CDK7: variants seen among roughly 807,000 people sequenced by gnomAD.
CDK7 encodes the protein cyclin-dependent kinase 7.
Under a neutral mutation model 49.1 loss-of-function variants are expected in CDK7, and 25 were observed. The observed-to-expected ratio is 0.51, with a 90% CI of 0.37 to 0.71. CDK7 has a LOEUF of 0.71. Ranked by LOEUF, CDK7 falls within the 30% of genes least tolerant of loss-of-function variation. CDK7 has a pLI of 0.00. For synonymous variants in CDK7, 107 were observed against 140.0 expected (o/e 0.76, Z 1.67); for missense variants, 316 against 411.7 (o/e 0.77, Z 2.01).
At chr5:69,250,852 G>A (rs768429185) in intron 2 of CDK7, 6 of 456,518 alleles carry the variant, frequency 1.3e-5, no homozygotes, top group Non-Finnish European at 2.2e-5. Context: ...GGTTACCACT[G>A]CTGATTATTC....
At chr5:69,270,626 A>G (rs1237413701) in intron 9 of CDK7, among the ~76,000 whole-genome samples, 2 of 152,118 alleles carry the variant, frequency 1.3e-5, no homozygotes, top group African/African-American at 2.4e-5. Context: ...CTTTCCTTCT[A>G]CCTACTCCTT....
chr5:69,270,482 C>T (rs868195605), intron 9 of CDK7, among the ~76,000 whole-genome samples: 3 of 152,140 alleles, frequency 2.0e-5, no homozygotes, highest in Non-Finnish European at 4.4e-5. Context: ...ACATATTTCA[C>T]GGACCCTTTA....
Position 69,259,875 on chromosome 5 carries a change from T to G in CDK7, c.466T>G (p.Phe156Val). Residue 156 changes from phenylalanine to valine, a missense_variant, in exon 7 of 12, where the codon TTT (phenylalanine) becomes GTT (valine). Physicochemically the swap from Phe to Val is conservative, Grantham distance 50. Coordinates refer to ENST00000256443, the MANE Select transcript of CDK7 (RefSeq NM_001799.4). ...DENGVLKLAD[F>V]GLAKSFGSPN... ...AAATGGAGTTCTAAAACTGGCAGAT[T>G]TTGGCCTGGCCAAATCTTTTGGGAG... 6.2e-7 allele frequency: 1 copy of G among 1,614,160 alleles called. No individual in the cohort carries two copies. Among genetic ancestry groups the G allele is most frequent in the Non-Finnish European group, 8.5e-7 (1 of 1,180,008 alleles).
intron 9 of CDK7, among the ~76,000 whole-genome samples, chr5:69,269,947 T>C (rs1751417960): frequency 6.6e-6 from 1 of 150,724 alleles, no homozygotes; most frequent in Admixed American, 6.6e-5. Context: ...AAATTAAACT[T>C]CTTGGTGGGT....
Position 69,265,423 on chromosome 5 carries a change from C to T in CDK7, c.627+3119C>T, listed in dbSNP as rs76270455. Among the ~76,000 whole-genome samples, 174 of 150,278 alleles carry T rather than the reference C, an allele frequency of 1.2e-3. No individual in the cohort carries two copies. In the East Asian group the frequency reaches 0.014, roughly 12 times the overall value. On this transcript the variant is annotated intron_variant, in intron 8 of 11. Coordinates refer to ENST00000256443, the MANE Select transcript of CDK7 (RefSeq NM_001799.4). ...GGGTAAGAAAAATATTTTATTTGCA[C>T]AGAGAAGAAAAGCAGCATACATAGA...
intron 2 of CDK7, among the ~76,000 whole-genome samples, chr5:69,247,457 G>T (rs1749827725): frequency 6.7e-6 from 1 of 149,376 alleles, no homozygotes; most frequent in Non-Finnish European, 1.5e-5. Flanking sequence ...TTCAGTCTGT[G>T]TGTGTCTGTA....
intron 2 of CDK7, 52 bp from the exon 3 acceptor site, chr5:69,252,366 A>G: frequency 1.8e-6 from 2 of 1,116,454 alleles, no homozygotes; most frequent in Non-Finnish European, 2.7e-6. Flanking sequence ...CATTGATTCT[A>G]AATAATTTAA....
intron 8 of CDK7, among the ~76,000 whole-genome samples, chr5:69,268,000 C>T (rs560380995): frequency 1.3e-5 from 2 of 152,198 alleles, no homozygotes; most frequent in South Asian, 2.1e-4. Flanking sequence ...CTTGTTCTGT[C>T]GCCCAAGCTG....
chr5:69,250,669 C>A, intron 2 of CDK7: 1 of 455,870 alleles, frequency 2.2e-6, no homozygotes, highest in South Asian at 1.6e-5. Flanking sequence ...TGGTGCTCTT[C>A]CCCAGGGCAA....
At chr5:69,269,713 T>C (rs1309855938) in intron 9 of CDK7, among the ~76,000 whole-genome samples, 3 of 151,888 alleles carry the variant, frequency 2.0e-5, no homozygotes, top group Non-Finnish European at 4.4e-5. Flanking sequence ...GGTGTACATA[T>C]ATGTATATAT....
intron 10 of CDK7, among the ~76,000 whole-genome samples, chr5:69,274,563 T>C (rs1751914703): frequency 6.6e-6 from 1 of 152,196 alleles, no homozygotes; most frequent in Admixed American, 6.5e-5. Flanking sequence ...TGAGGAATGC[T>C]TGCAAAGTTT....
At chr5:69,243,672 G>A (rs907016400) in intron 2 of CDK7, among the ~76,000 whole-genome samples, 1 of 151,990 alleles carries the variant, frequency 6.6e-6, no homozygotes, top group African/African-American at 2.4e-5. Flanking sequence ...CATGACGAAT[G>A]TCATTGGTAT....
At chr5:69,246,075 A>C (rs1450010096) in intron 2 of CDK7, among the ~76,000 whole-genome samples, 1 of 152,120 alleles carries the variant, frequency 6.6e-6, no homozygotes, top group Non-Finnish European at 1.5e-5. Context: ...AAGGGAAGCA[A>C]GGCACCTCTT....
intron 3 of CDK7, among the ~76,000 whole-genome samples, chr5:69,253,266 TTTTG>T (rs1303501895): frequency 7.9e-5 from 12 of 152,262 alleles, no homozygotes; most frequent in Middle Eastern, 3.4e-3. Flanking sequence ...CTTATTTTTA[TTTTG>T]TTTATTTTTT....
At chr5:69,240,652 G>A (rs144843112) in intron 2 of CDK7, among the ~76,000 whole-genome samples, 6 of 152,076 alleles carry the variant, frequency 3.9e-5, no homozygotes, top group Middle Eastern at 3.4e-3. Context: ...TTTTTGAGAC[G>A]GAGTCTCCCT....
At position 69,254,676 on chromosome 5, in the gene CDK7, A is replaced by G; in HGVS notation, c.228+7A>G. 6.9e-7 allele frequency: 1 copy of G among 1,446,114 alleles called. No homozygotes were observed. The highest frequency in any genetic ancestry group is 9.7e-7 in the Non-Finnish European group (1 of 1,027,382). 89.6% of individuals were successfully genotyped at this position (1,446,114 alleles called of 1,614,324 possible). A position where few individuals can be genotyped will look rare whatever the true frequency, so the allele number is the denominator to read the frequency against. ...TCATCCAAATATAATTGGTGTGAGT[A>G]TGATCAAAACTGTTACTGGGATTTG... On this transcript the variant is annotated splice_region_variant and intron_variant, in intron 4 of 11. Transcript: ENST00000256443.
At chr5:69,270,075 AAAAAAAAAATT>A (rs1202923831) in intron 9 of CDK7, among the ~76,000 whole-genome samples, 1 of 126,818 alleles carries the variant, frequency 7.9e-6, no homozygotes, top group Non-Finnish European at 1.8e-5. Context: ...CCAAAAAAAA[AAAAAAAAAATT>A]AAACTTCTTA....
At chr5:69,271,218 A>G (rs1751504433) in intron 9 of CDK7, among the ~76,000 whole-genome samples, 2 of 152,116 alleles carry the variant, frequency 1.3e-5, no homozygotes, top group Admixed American at 6.6e-5. Flanking sequence ...CTAATGGTTA[A>G]TGGTGTTGAA....
Position 69,273,040 on chromosome 5 carries a change from A to G in CDK7, c.863A>G (p.Gln288Arg). 2 of 1,531,556 alleles carry G rather than the reference A, an allele frequency of 1.3e-6. No homozygotes were observed. The highest frequency in any genetic ancestry group is 1.8e-6 in the Non-Finnish European group (2 of 1,130,718). The allele number at this position is 1,531,556 out of a possible 1,614,324, so 94.9% of individuals were successfully genotyped here. A position where few individuals can be genotyped will look rare whatever the true frequency, so the allele number is the denominator to read the frequency against. ...CCATGTGCTCGAATTACGGCCACAC[A>G]GGTATTTTGGTGTATCTTTTTTATA... ...FNPCARITAT[Q>R]ALKMKYFSNR... Residue 288 changes from glutamine to arginine, a missense_variant and splice_region_variant, in exon 10 of 12, where the codon CAG becomes CGG. Transcript: ENST00000256443.
Sources: gnomAD v4.1 joint callset for allele counts (sites outside exome capture counted in the v4.1 genomes callset) on GRCh38, gnomAD v4.1.1 for gene constraint, MANE v1.5 for transcripts, NCBI Gene and HGNC (gene_info 2026-07-23, HGNC 2026-07-21) for gene names.